The following SPIRE1 variants were observed in gnomAD, a reference collection of about 807,000 sequenced individuals.
SPIRE1 encodes the protein protein spire homolog 1.
Under a neutral mutation model 94.1 loss-of-function variants are expected in SPIRE1, and 40 were observed. The ratio of observed to expected loss-of-function variants is 0.43; its 90% confidence interval spans 0.33 to 0.55. The LOEUF (loss-of-function observed/expected upper bound fraction) is 0.55. Ranked by LOEUF, SPIRE1 falls within the 20% of genes least tolerant of loss-of-function variation. SPIRE1 has a pLI of 0.06. For missense variants in SPIRE1, 838 were observed against 975.2 expected (o/e 0.86, Z 1.87); for synonymous variants, 376 against 371.7 (o/e 1.01, Z -0.13).
chr18:12,455,482 A>G (rs2031466108), intron 12 of SPIRE1, among the ~76,000 whole-genome samples: 1 of 152,222 alleles, frequency 6.6e-6, no homozygotes, highest in Non-Finnish European at 1.5e-5. Context: ...ATGTATAGTC[A>G]GCAATGGAAA....
intron 4 of SPIRE1, among the ~76,000 whole-genome samples, chr18:12,530,824 G>A (rs538085270): frequency 6.6e-6 from 1 of 152,182 alleles, no homozygotes; most frequent in South Asian, 2.1e-4. Flanking sequence ...TTAAAACAGT[G>A]TACTCTTATG....
chr18:12,476,541 CAAAAAAAAAAA>C (rs558968043), intron 10 of SPIRE1, among the ~76,000 whole-genome samples: 2,594 of 46,764 alleles, frequency 0.055, 65 homozygotes, highest in East Asian at 0.15. Context: ...ACTCTGTCTC[CAAAAAAAAAAA>C]AAAAAAAAAA....
chr18:12,581,639 G>A (rs563982477), intron 2 of SPIRE1, among the ~76,000 whole-genome samples: 5 of 152,278 alleles, frequency 3.3e-5, no homozygotes, highest in South Asian at 2.1e-4. Flanking sequence ...CAAGGCGGGC[G>A]GATGACCTGA....
At position 12,615,327 on chromosome 18, in the gene SPIRE1, C is replaced by CAAAAAAAAAAAAAA. The variant is rs1234229698; in HGVS notation, c.372+19721_372+19734dup. 5.9e-3 allele frequency among the ~76,000 whole-genome samples: 13 copies of CAAAAAAAAAAAAAA among 2,186 alleles called. 3 individuals carry two copies. Among genetic ancestry groups the CAAAAAAAAAAAAAA allele is most frequent in the African/African-American group, 5.6e-3 (4 of 716 alleles). The allele number at this position is 2,186 out of a possible 152,430, so 1.4% of individuals were successfully genotyped here. A position where few individuals can be genotyped will look rare whatever the true frequency, so the allele number is the denominator to read the frequency against. On this transcript the variant is annotated intron_variant, in intron 2 of 16. Coordinates refer to ENST00000409402, the MANE Select transcript of SPIRE1 (RefSeq NM_001128626.2). ...GGGCAACAAGAGTGAAACTCTGTCT[C>CAAAAAAAAAAAAAA]AAAAAAAAAAAAAAAAAAATATATA...
chr18:12,522,245 T>G (rs1240295326), intron 4 of SPIRE1, among the ~76,000 whole-genome samples: 1 of 152,214 alleles, frequency 6.6e-6, no homozygotes. Context: ...ATTCCTGGTA[T>G]AAAGTTTTAG....
intron 3 of SPIRE1, among the ~76,000 whole-genome samples, chr18:12,542,917 C>G (rs191324582): frequency 6.6e-6 from 1 of 152,304 alleles, no homozygotes; most frequent in East Asian, 1.9e-4. Context: ...ACCTCCGCCT[C>G]CCAGGTTCAA....
chr18:12,454,647 C>T, intron 12 of SPIRE1, 164 bp from the exon 13 acceptor site: 1 of 619,666 alleles, frequency 1.6e-6, no homozygotes. Flanking sequence ...CACATCATTT[C>T]CAATTACACT....
chr18:12,511,255 T>C (rs1362009250), intron 5 of SPIRE1, among the ~76,000 whole-genome samples: 2 of 152,218 alleles, frequency 1.3e-5, no homozygotes, highest in Non-Finnish European at 2.9e-5. Context: ...GTCTGTGGCC[T>C]GTTAGGAAGT....
chr18:12,512,877 T>G (rs1185752460), intron 4 of SPIRE1, among the ~76,000 whole-genome samples: 3 of 151,970 alleles, frequency 2.0e-5, no homozygotes, highest in Admixed American at 6.6e-5. Context: ...TGAAGCAATC[T>G]GATCCCGGAT....
intron 10 of SPIRE1, among the ~76,000 whole-genome samples, chr18:12,477,512 A>C (rs2032651526): frequency 6.6e-6 from 1 of 152,212 alleles, no homozygotes; most frequent in Non-Finnish European, 1.5e-5. Context: ...TTGAGTGTCT[A>C]CTGAGTGTTA....
At chr18:12,504,686 A>G (rs1019839) in intron 6 of SPIRE1, among the ~76,000 whole-genome samples, 26,232 of 152,130 alleles carry the variant, frequency 0.17, 2,507 homozygotes, top group African/African-American at 0.25. Flanking sequence ...CAAAGGGGAT[A>G]AACAGTGAAA....
intron 2 of SPIRE1, among the ~76,000 whole-genome samples, chr18:12,608,157 CAAAA>C (rs11390238): frequency 7.7e-6 from 1 of 129,068 alleles, no homozygotes; most frequent in African/African-American, 2.9e-5. Context: ...GACTCCATCT[CAAAA>C]AAAAAAAAAA....
intron 2 of SPIRE1, among the ~76,000 whole-genome samples, chr18:12,593,294 A>C (rs1024716901): frequency 3.3e-5 from 5 of 152,264 alleles, no homozygotes; most frequent in Admixed American, 6.5e-5. Context: ...AAAGGGCAAC[A>C]TATTAAGGAA....
At chr18:12,600,045 A>C (rs2036786907) in intron 2 of SPIRE1, among the ~76,000 whole-genome samples, 1 of 151,646 alleles carries the variant, frequency 6.6e-6, no homozygotes, top group African/African-American at 2.4e-5. Context: ...CACATGGCAA[A>C]GGAACTGCAG....
In SPIRE1 at chr18:12,559,306, C is replaced by A. The variant is rs959885717; in HGVS notation, c.373-12402G>T. Among the ~76,000 whole-genome samples, 1 of 152,296 alleles carries A rather than the reference C, an allele frequency of 6.6e-6. No individual in the cohort carries two copies. The highest frequency in any genetic ancestry group is 1.5e-5 in the Non-Finnish European group (1 of 68,004). On this transcript the variant is annotated intron_variant, in intron 2 of 16. Transcript: ENST00000409402. The surrounding 1 kb of genome is among the most constrained non-coding windows in gnomAD (Gnocchi z 4.7). ...GGGCCAGCAGTGCTGGGGGACCCAGCGCACCCTCCACAGCTGCTGGCGCGG... is the reference window on the plus strand; with the variant it reads ...GGGCCAGCAGTGCTGGGGGACCCAGAGCACCCTCCACAGCTGCTGGCGCGG...
rs765766491 is a variant in SPIRE1, at chr18:12,464,935, G to C, written c.1428C>G (p.Thr476=). ...AAGAGGGAGACACGCTGCTGCTGCT[G>C]GTCGACTTGTGCAGCGTTTCTTCCT... ...ESEEETLHKS[T]SSSSVSPSFP... is the part of the protein sequence containing the mutation. Residue 476 remains threonine, a synonymous_variant, in exon 11 of 17, where the codon ACC becomes ACG. Transcript: ENST00000409402. The C allele has an allele frequency of 1.1e-4, 183 of 1,614,008 alleles. No individual in the cohort carries two copies. Among genetic ancestry groups the C allele is most frequent in the South Asian group, 8.5e-4 (77 of 91,058 alleles).
intron 2 of SPIRE1, among the ~76,000 whole-genome samples, chr18:12,627,909 T>C (rs1171520392): frequency 7.7e-6 from 1 of 130,614 alleles, no homozygotes; most frequent in African/African-American, 2.6e-5. Context: ...GGGTTGTTTT[T>C]TTCTTGTAAA....
chr18:12,532,967 G>A (rs770499241), intron 4 of SPIRE1, among the ~76,000 whole-genome samples: 2 of 152,168 alleles, frequency 1.3e-5, no homozygotes, highest in African/African-American at 2.4e-5. Flanking sequence ...CACCTCAATC[G>A]AAACAGGGAG....
intron 1 of SPIRE1, among the ~76,000 whole-genome samples, chr18:12,650,763 C>T (rs1223074281): frequency 2.0e-5 from 3 of 150,640 alleles, no homozygotes; most frequent in Non-Finnish European, 4.4e-5. Context: ...CCTGTAGTCC[C>T]AGCTACTCGG....
Sources: allele counts gnomAD v4.1 joint callset (sites outside exome capture counted in the v4.1 genomes callset), GRCh38; gene constraint gnomAD v4.1.1; non-coding constraint Gnocchi (gnomAD v3.1); transcripts MANE v1.5; gene names NCBI Gene and HGNC (gene_info 2026-07-23, HGNC 2026-07-21).